The following REV3L variants were observed in gnomAD, a reference collection of about 807,000 sequenced individuals.
The protein encoded by REV3L is DNA polymerase zeta catalytic subunit.
In REV3L, 69 loss-of-function variants were observed where a neutral mutation model predicts 299.4. That is an observed-to-expected ratio of 0.23 (90% CI 0.19 to 0.28). The LOEUF (loss-of-function observed/expected upper bound fraction) is 0.28. REV3L is among the 10% of genes least tolerant of loss of function. The probability of loss-of-function intolerance (pLI) is 1.00; values close to 1 mark genes in which losing one functional copy is unlikely to be tolerated. For missense variants in REV3L, 3,128 were observed against 3,693.8 expected (o/e 0.85, Z 3.97); for synonymous variants, 1,238 against 1,271.4 (o/e 0.97, Z 0.56).
chr6:111,299,724 G>C lies in REV3L; in HGVS notation c.*292C>G. 1 of 202,334 alleles carries C rather than the reference G, an allele frequency of 4.9e-6. No individual in the cohort carries two copies. Among genetic ancestry groups the C allele is most frequent in the Non-Finnish European group, 9.9e-6 (1 of 101,232 alleles). The allele number at this position is 202,334 out of a possible 1,614,324, so 12.5% of individuals were successfully genotyped here. ...GCTCCTTCCACTGGGAAGTAAACAT[G>C]ATCTACTCAAATGAATTTACAAGAT... On this transcript the variant is annotated 3_prime_UTR_variant, in exon 32 of 32. Coordinates refer to ENST00000368802, the MANE Select transcript of REV3L (RefSeq NM_001372078.1).
At chr6:111,428,999 G>A (rs1296973718) in intron 1 of REV3L, among the ~76,000 whole-genome samples, 2 of 152,086 alleles carry the variant, frequency 1.3e-5, no homozygotes, top group Non-Finnish European at 2.9e-5. Context: ...AGAAGTAAAT[G>A]ATGTATACAA....
chr6:111,316,759 A>C (rs1773575208), intron 26 of REV3L, among the ~76,000 whole-genome samples: 1 of 152,338 alleles, frequency 6.6e-6, no homozygotes, highest in Middle Eastern at 3.4e-3. Context: ...ACACGGAAGA[A>C]AATCAACATC....
chr6:111,318,275 G>A (rs60567991), intron 26 of REV3L, among the ~76,000 whole-genome samples: 5,377 of 151,704 alleles, frequency 0.035, 313 homozygotes, highest in African/African-American at 0.12. Context: ...TTTTAGTAGA[G>A]ACGGGGTTTC....
At chr6:111,316,012 G>T (rs1277555572) in intron 26 of REV3L, among the ~76,000 whole-genome samples, 1 of 152,146 alleles carries the variant, frequency 6.6e-6, no homozygotes, top group Non-Finnish European at 1.5e-5. Context: ...GGCCAAGGCG[G>T]TGGATCATCT....
chr6:111,335,924 A>G (rs1426401247), intron 21 of REV3L, among the ~76,000 whole-genome samples: 1 of 151,976 alleles, frequency 6.6e-6, no homozygotes, highest in Non-Finnish European at 1.5e-5. Flanking sequence ...TTCTTATTAT[A>G]GAAAATTAAC....
At chr6:111,476,082 G>C (rs1792909810) in intron 1 of REV3L, among the ~76,000 whole-genome samples, 1 of 152,134 alleles carries the variant, frequency 6.6e-6, no homozygotes, top group Admixed American at 6.5e-5. Flanking sequence ...GCACATACAT[G>C]AGATATCCTG....
At chr6:111,328,110 A>G (rs1422884011) in intron 25 of REV3L, among the ~76,000 whole-genome samples, 1 of 152,232 alleles carries the variant, frequency 6.6e-6, no homozygotes, top group African/African-American at 2.4e-5. Flanking sequence ...TGTATCAAAT[A>G]AACACCTTAA....
chr6:111,359,903 A>T (rs879630151), intron 16 of REV3L, among the ~76,000 whole-genome samples: 2 of 152,230 alleles, frequency 1.3e-5, no homozygotes, highest in Admixed American at 1.3e-4. Flanking sequence ...GAAGAAATGT[A>T]AATTCAAGTT....
chr6:111,481,735 T>G (rs1562382187), intron 1 of REV3L, among the ~76,000 whole-genome samples: 1 of 152,164 alleles, frequency 6.6e-6, no homozygotes, highest in East Asian at 1.9e-4. Context: ...ACTCCATTAT[T>G]TCATGGAAGC....
rs528666347 is a variant in REV3L, at chr6:111,381,501, C to G, written c.1097-57G>C. The G allele has an allele frequency of 4.8e-6, 7 of 1,470,484 alleles. No individual in the cohort carries two copies. The East Asian group carries it at 1.6e-4, about 34-fold the overall frequency. The allele number at this position is 1,470,484 out of a possible 1,614,324, so 91.1% of individuals were successfully genotyped here. A position where few individuals can be genotyped will look rare whatever the true frequency, so the allele number is the denominator to read the frequency against. ...GCAATGGCCTAAATCCAAAATTTAT[C>G]ATTTAGAATTTGTGTAAATTTGGAA... On this transcript the variant is annotated intron_variant, in intron 9 of 31. Transcript: ENST00000368802.
At chr6:111,431,936 G>A (rs559996853) in intron 1 of REV3L, among the ~76,000 whole-genome samples, 17 of 152,130 alleles carry the variant, frequency 1.1e-4, no homozygotes, top group African/African-American at 3.4e-4. Context: ...ACTTGTATTA[G>A]GTAATAAAGC....
chr6:111,483,565 C>A (rs1794039150), upstream of REV3L: 1 of 476,904 alleles, frequency 2.1e-6, no homozygotes, highest in Non-Finnish European at 4.1e-6. Flanking sequence ...GGCGGCTATG[C>A]AGGATTGGCA....
chr6:111,460,938 T>C (rs1197935104), intron 1 of REV3L, among the ~76,000 whole-genome samples: 1 of 152,086 alleles, frequency 6.6e-6, no homozygotes, highest in Admixed American at 6.6e-5. Context: ...CACGTGTTTG[T>C]GGTGAAGCTG....
chr6:111,454,155 C>A (rs74529244), intron 1 of REV3L, among the ~76,000 whole-genome samples: 2 of 150,444 alleles, frequency 1.3e-5, no homozygotes, highest in African/African-American at 4.9e-5. Context: ...GTTGTCCAGG[C>A]GGGTCTCAAA....
chr6:111,325,288 G>T (rs1047518345), intron 25 of REV3L, among the ~76,000 whole-genome samples: 2 of 152,156 alleles, frequency 1.3e-5, no homozygotes, highest in African/African-American at 4.8e-5. Flanking sequence ...AAATATGAAT[G>T]ACCAATAATT....
chr6:111,480,236 ATG>A (rs952720877), intron 1 of REV3L, among the ~76,000 whole-genome samples: 31 of 152,222 alleles, frequency 2.0e-4, no homozygotes, highest in Admixed American at 9.2e-4. Flanking sequence ...TAGGTTTATC[ATG>A]TGTTACACAT....
At chr6:111,464,035 C>T (rs894902696) in intron 1 of REV3L, among the ~76,000 whole-genome samples, 2 of 151,994 alleles carry the variant, frequency 1.3e-5, no homozygotes, top group Admixed American at 6.6e-5. Context: ...CTGATTAAAT[C>T]ACTAAAAGTC....
chr6:111,479,954 T>C lies in REV3L; in HGVS notation c.139+2796A>G, dbSNP rs1793427799. On this transcript the variant is annotated intron_variant, in intron 1 of 31. Transcript: ENST00000368802. The stretch of plus-strand genomic sequence containing the variant: ...AACAATCAAAAGTCAACTGGACTGT[T>C]TTCTAAAGCAGAAAAATGCTTTTCA... Among the ~76,000 whole-genome samples the C allele has an allele frequency of 2.0e-5, 3 of 152,364 alleles. No homozygotes were observed. The South Asian group carries it at 6.2e-4, about 32-fold the overall frequency.
intron 16 of REV3L, among the ~76,000 whole-genome samples, chr6:111,359,453 T>C (rs1055209072): frequency 3.4e-5 from 5 of 148,170 alleles, no homozygotes; most frequent in Non-Finnish European, 5.9e-5. Context: ...AATTCACTAC[T>C]ACTTGAGGGC....
Sources: gnomAD v4.1 joint callset for allele counts (sites outside exome capture counted in the v4.1 genomes callset) on GRCh38, gnomAD v4.1.1 for gene constraint, MANE v1.5 for transcripts, NCBI Gene and HGNC (gene_info 2026-07-23, HGNC 2026-07-21) for gene names.